Variants in TSPAN14 observed in about 807,000 individuals in gnomAD.
TSPAN14 encodes the protein tetraspanin 14.
TSPAN14 carries 16 observed loss-of-function variants against 36.6 expected under a neutral mutation model. The ratio of observed to expected loss-of-function variants is 0.44; its 90% CI spans 0.30 to 0.66. The LOEUF (loss-of-function observed/expected upper bound fraction) is 0.66. TSPAN14 is among the 30% of genes least tolerant of loss of function. The pLI, the probability that TSPAN14 is intolerant of heterozygous loss-of-function variation, is 0.12. For missense variants in TSPAN14, 231 were observed against 355.1 expected (o/e 0.65, Z 2.81); for synonymous variants, 139 against 143.8 (o/e 0.97, Z 0.24).
chr10:80,470,343 T>C (rs978645351), intron 1 of TSPAN14, among the ~76,000 whole-genome samples: 3 of 152,210 alleles, frequency 2.0e-5, no homozygotes, highest in African/African-American at 4.8e-5. Flanking sequence ...CCTCCCAAAG[T>C]GTTGGGATTA....
chr10:80,487,636 G>T (rs1214739265), intron 1 of TSPAN14, among the ~76,000 whole-genome samples: 1 of 152,000 alleles, frequency 6.6e-6, no homozygotes, highest in African/African-American at 2.4e-5. Flanking sequence ...CAGGCCTTGT[G>T]TGTGTCCTTG....
At chr10:80,512,302 C>G (rs147036732) in intron 6 of TSPAN14, 33 bp downstream of exon 6, 3 of 1,611,094 alleles carry the variant, frequency 1.9e-6, no homozygotes, top group Non-Finnish European at 8.5e-7. Flanking sequence ...ACAGGGAGCC[C>G]GCCCTTCCTG....
At chr10:80,498,129 C>T (rs1311439326) in intron 2 of TSPAN14, among the ~76,000 whole-genome samples, 2 of 152,252 alleles carry the variant, frequency 1.3e-5, no homozygotes, top group African/African-American at 2.4e-5. Flanking sequence ...TCTGCACCCT[C>T]TGGTCCTTTT....
At chr10:80,503,422 C>G (rs1231247890) in intron 2 of TSPAN14, among the ~76,000 whole-genome samples, 1 of 152,070 alleles carries the variant, frequency 6.6e-6, no homozygotes, top group Non-Finnish European at 1.5e-5. Context: ...AATGAATGAA[C>G]TGAGACTTGT....
exon 9 of TSPAN14, chr10:80,520,264 A>C: frequency 4.5e-6 from 1 of 220,430 alleles, no homozygotes; most frequent in Non-Finnish European, 9.2e-6. Context: ...TCTCGGTGCG[A>C]TTTTTGCAGA....
At chr10:80,477,842 C>T (rs1589253603) in intron 1 of TSPAN14, among the ~76,000 whole-genome samples, 2 of 152,264 alleles carry the variant, frequency 1.3e-5, no homozygotes, top group Middle Eastern at 3.4e-3. Context: ...GCTTCTAGAA[C>T]ATTGACAGCC....
Position 80,504,718 on chromosome 10 carries a change from C to T in TSPAN14, c.82-10C>T, listed in dbSNP as rs1341910866. On this transcript the variant is annotated splice_polypyrimidine_tract_variant and intron_variant, in intron 2 of 8. Coordinates refer to ENST00000429989, the Ensembl canonical transcript of TSPAN14. The stretch of plus-strand genomic sequence containing the variant: ...CTAACTTCCTTCTCTCTTTCCTCTG[C>T]CCCGCTTAGTTGGCTGGAGTTGTCT... 1.2e-6 allele frequency: 2 copies of T among 1,614,150 alleles called. No homozygotes were observed. Among genetic ancestry groups the T allele is most frequent in the Admixed American group, 1.7e-5 (1 of 60,014 alleles).
rs201538052 is a variant in TSPAN14 at position 80,507,320 on chromosome 10, G to A, written c.225G>A (p.Leu75=). 2.4e-5 allele frequency: 39 copies of A among 1,614,246 alleles called. No individual in the cohort carries two copies. The African/African-American group carries it at 4.5e-4, about 19-fold the overall frequency. The change falls in exon 4 of 9, where the codon CTG becomes CTA. Residue 75 remains leucine (L), a synonymous_variant. Coordinates refer to ENST00000429989, the Ensembl canonical transcript of TSPAN14. ...TGGTGGGCGTGGTGATGTTCACCCTGGGGTTCGCCGGCTGCGTGGGGGCTC... is the reference window on the plus strand; with the variant it reads ...TGGTGGGCGTGGTGATGTTCACCCTAGGGTTCGCCGGCTGCGTGGGGGCTC...
chr10:80,495,220 G>A (rs1848133382), intron 2 of TSPAN14, among the ~76,000 whole-genome samples: 1 of 152,166 alleles, frequency 6.6e-6, no homozygotes. Context: ...ATTCCCAGGA[G>A]AGATTAATTG....
chr10:80,508,505 T>C (rs1840433903), intron 4 of TSPAN14, among the ~76,000 whole-genome samples: 2 of 152,324 alleles, frequency 1.3e-5, no homozygotes, highest in South Asian at 4.1e-4. Flanking sequence ...CCAGTGATAA[T>C]GTCTGTGAGA....
chr10:80,507,158 C>T, intron 3 of TSPAN14, 70 bp from the exon 4 acceptor site: 1 of 1,583,522 alleles, frequency 6.3e-7, no homozygotes, highest in Non-Finnish European at 8.6e-7. Context: ...GTACCACCTG[C>T]ATCCCCCAGG....
chr10:80,484,554 T>G (rs1847488423), intron 1 of TSPAN14, among the ~76,000 whole-genome samples: 1 of 152,210 alleles, frequency 6.6e-6, no homozygotes, highest in African/African-American at 2.4e-5. Context: ...TGTTACGTTA[T>G]TCTTCCCTTT....
chr10:80,475,825 TCCACCTG>T (rs1846842765), intron 1 of TSPAN14, among the ~76,000 whole-genome samples: 1 of 152,146 alleles, frequency 6.6e-6, no homozygotes, highest in Admixed American at 6.5e-5. Flanking sequence ...GACTTTGTGA[TCCACCTG>T]CCTCGGCCTC....
chr10:80,458,810 C>G (rs1305339983), intron 1 of TSPAN14, among the ~76,000 whole-genome samples: 1 of 152,110 alleles, frequency 6.6e-6, no homozygotes, highest in Non-Finnish European at 1.5e-5. Flanking sequence ...TTTGGTGGAG[C>G]GCAGGCCCTG....
chr10:80,455,289 C>T (rs1208499337), intron 1 of TSPAN14, among the ~76,000 whole-genome samples: 2 of 152,068 alleles, frequency 1.3e-5, no homozygotes, highest in African/African-American at 2.4e-5. Context: ...GGGTACTGGC[C>T]TGGGGCTGGG....
chr10:80,479,788 T>C (rs1355534944), intron 1 of TSPAN14, among the ~76,000 whole-genome samples: 1 of 150,866 alleles, frequency 6.6e-6, no homozygotes, highest in African/African-American at 2.5e-5. Flanking sequence ...TCTTTTTTGG[T>C]TCCATATGGA....
In TSPAN14 at chr10:80,516,185, C is replaced by T; in HGVS notation, c.622-19C>T. ...TCGTGTGTGCCAAAGGCTCAGACCC[C>T]TGTGGTGTTTTCCTGCAGCTGAAGA... On this transcript the variant is annotated intron_variant, in intron 7 of 8. Transcript: ENST00000429989. 6.2e-7 allele frequency: 1 copy of T among 1,614,232 alleles called. No homozygotes were observed. Among genetic ancestry groups the T allele is most frequent in the Non-Finnish European group, 8.5e-7 (1 of 1,180,038 alleles).
intron 4 of TSPAN14, among the ~76,000 whole-genome samples, chr10:80,508,893 C>T (rs544514330): frequency 6.3e-4 from 96 of 152,218 alleles, no homozygotes; most frequent in African/African-American, 2.1e-3. Flanking sequence ...CTAAAGGAGC[C>T]GACACCCCAG....
At chr10:80,502,999 T>C (rs1848606554) in intron 2 of TSPAN14, among the ~76,000 whole-genome samples, 3 of 151,750 alleles carry the variant, frequency 2.0e-5, no homozygotes, top group Middle Eastern at 3.4e-3. Flanking sequence ...GTCAGTGGAA[T>C]GGTTGGAGGA....
Sources: gnomAD v4.1 joint callset for allele counts (sites outside exome capture counted in the v4.1 genomes callset) on GRCh38, gnomAD v4.1.1 for gene constraint, MANE v1.5 for transcripts, NCBI Gene and HGNC (gene_info 2026-07-23, HGNC 2026-07-21) for gene names.